LRFN1: variants seen among roughly 807,000 people sequenced by gnomAD.
LRFN1 encodes leucine rich repeat and fibronectin type III domain containing 1.
A neutral mutation model predicts 31.8 loss-of-function variants in LRFN1; 20 were observed. That is an observed-to-expected ratio of 0.63 (90% confidence interval 0.44 to 0.91). The LOEUF is 0.91. LRFN1 is among the 40% of genes least tolerant of loss of function. The pLI is 0.00. For synonymous variants in LRFN1, 514 were observed against 541.3 expected (o/e 0.95, Z 0.70); for missense variants, 912 against 1,129.8 (o/e 0.81, Z 2.76).
chr19:39,308,499 C>G lies in LRFN1; in HGVS notation c.1450G>C (p.Ala484Pro), dbSNP rs1258506992. ...TSQTFLVNDL[A>P]AGRAYDLCVL... ...CACAAGTCGTAGGCACGGCCCGCCGCCAGGTCATTCACCAGGAAGGTCTGA... is the reference window on the plus strand; with the variant it reads ...CACAAGTCGTAGGCACGGCCCGCCGGCAGGTCATTCACCAGGAAGGTCTGA... Residue 484 changes from alanine to proline, a missense_variant, in exon 5 of 5, where the codon GCG (alanine) becomes CCG (proline). Physicochemically the swap from Ala to Pro is conservative, Grantham distance 27. Transcript: ENST00000248668. The surrounding 1 kb of genome is among the most constrained non-coding windows in gnomAD (Gnocchi z 6.2). 8 of 1,600,252 alleles carry G rather than the reference C, an allele frequency of 5.0e-6. No homozygotes were observed. The highest frequency in any genetic ancestry group is 5.9e-6 in the Non-Finnish European group (7 of 1,178,940).
chr19:39,317,060 G>A (rs538097516), intron 2 of LRFN1, among the ~76,000 whole-genome samples: 1 of 152,236 alleles, frequency 6.6e-6, no homozygotes, highest in South Asian at 2.1e-4. Context: ...GGAGGGAGAA[G>A]TGGACTGGCA....
rs767343433 is a variant in LRFN1, at chr19:39,307,905, A to G, written c.2044T>C (p.Ser682Pro). ...SRSGALEPPT[S>P]APPTLALVPG... Reference sequence around the variant, plus strand: ...ACTAGAGCTAGAGTAGGGGGCGCCGAGGTTGGTGGCTCCAGGGCGCCGGAT... The same window carrying G: ...ACTAGAGCTAGAGTAGGGGGCGCCGGGGTTGGTGGCTCCAGGGCGCCGGAT... The change falls in exon 5 of 5, where the codon TCG (serine) becomes CCG (proline). Residue 682 changes from serine (S) to proline (P), a missense_variant. By Grantham distance (74) the Ser-to-Pro change is moderately conservative. Transcript: ENST00000248668. This position sits in a 1 kb window ranked among gnomAD's most constrained non-coding sequence, Gnocchi z 6.7. 6.4e-6 allele frequency: 10 copies of G among 1,565,712 alleles called. No homozygotes were observed. Among genetic ancestry groups the G allele is most frequent in the Non-Finnish European group, 1.7e-6 (2 of 1,163,196 alleles).
Position 39,307,369 on chromosome 19 carries a change from G to C in LRFN1, c.*264C>G, listed in dbSNP as rs1042798940. 2.5e-6 allele frequency: 1 copy of C among 406,410 alleles called. No homozygotes were observed. The highest frequency in any genetic ancestry group is 1.1e-4 in the South Asian group (1 of 9,480). 25.2% of individuals were successfully genotyped at this position (406,410 alleles called of 1,614,324 possible). A position where few individuals can be genotyped will look rare whatever the true frequency, so the allele number is the denominator to read the frequency against. ...GCACCGGCTCCAGCGAGGTCCGCGA[G>C]CGCGCGAGGGGAGGGGTAGGAGGGG... On this transcript the variant is annotated 3_prime_UTR_variant, in exon 5 of 5. Transcript: ENST00000248668. The surrounding 1 kb of genome is among the most constrained non-coding windows in gnomAD (Gnocchi z 6.7).
chr19:39,308,631 C>T lies in LRFN1; in HGVS notation c.1407-89G>A. On this transcript the variant is annotated intron_variant, in intron 4 of 4. Transcript: ENST00000248668. The surrounding 1 kb of genome is among the most constrained non-coding windows in gnomAD (Gnocchi z 6.2). ...CCCCGCCCATGGTGAACAGTGGGGA[C>T]TAAACCCTGCTATCGAAGTCTCAGC... 2.6e-6 allele frequency: 3 copies of T among 1,166,138 alleles called. No homozygotes were observed. The highest frequency in any genetic ancestry group is 3.5e-6 in the Non-Finnish European group (3 of 850,646). 72.2% of individuals were successfully genotyped at this position (1,166,138 alleles called of 1,614,324 possible).
chr19:39,308,017 G>A lies in LRFN1; in HGVS notation c.1932C>T (p.Gly644=). The A allele has an allele frequency of 6.4e-7, 1 of 1,563,992 alleles. No individual in the cohort carries two copies. The highest frequency in any genetic ancestry group is 2.3e-5 in the East Asian group (1 of 43,234). Residue 644 remains glycine, a synonymous_variant, in exon 5 of 5, where the codon GGC becomes GGT. Coordinates refer to ENST00000248668, the MANE Select transcript of LRFN1 (RefSeq NM_020862.2). This position sits in a 1 kb window ranked among gnomAD's most constrained non-coding sequence, Gnocchi z 6.2. ...EPEVVLGRSL[G]GSATSLCLLP... is the part of the protein sequence containing the mutation. ...GCAGGCACAGCGAGGTGGCCGAGCCGCCCAGAGAACGTCCAAGGACCACCT... is the reference window on the plus strand; with the variant it reads ...GCAGGCACAGCGAGGTGGCCGAGCCACCCAGAGAACGTCCAAGGACCACCT...
In LRFN1 at chr19:39,314,854, C is replaced by G. The variant is rs1430833450; in HGVS notation, c.483G>C (p.Leu161=). The G allele has an allele frequency of 6.2e-7, 1 of 1,611,590 alleles. No individual in the cohort carries two copies. Among genetic ancestry groups the G allele is most frequent in the African/African-American group, 1.3e-5 (1 of 74,908 alleles). ...ACAGATCCAGGTCCTCCACGGTGGA[C>G]AGGAAGGCGTCAAAGGCCGCCGACT... ...RVESAAFDAF[L]STVEDLDLSY... is the part of the protein sequence containing the mutation. Residue 161 remains leucine, a synonymous_variant, in exon 4 of 5, where the codon CTG becomes CTC. Transcript: ENST00000248668.
rs1366806165 is a variant in LRFN1 at position 39,307,119 on chromosome 19, CAG to C, written c.*512_*513del. The C allele has an allele frequency of 5.0e-6, 2 of 396,384 alleles. No individual in the cohort carries two copies. Among genetic ancestry groups the C allele is most frequent in the Non-Finnish European group, 8.9e-6 (2 of 225,166 alleles). 24.6% of individuals were successfully genotyped at this position (396,384 alleles called of 1,614,324 possible). ...GCGGGATAGAGACAAACGAGGGAAA[CAG>C]AGAAAGGGGGACCCCAAGCCAGACC... On this transcript the variant is annotated 3_prime_UTR_variant, in exon 5 of 5. Transcript: ENST00000248668. This position sits in a 1 kb window ranked among gnomAD's most constrained non-coding sequence, Gnocchi z 6.7.
intron 1 of LRFN1, among the ~76,000 whole-genome samples, chr19:39,319,501 C>A (rs2075181455): frequency 6.6e-6 from 1 of 152,132 alleles, no homozygotes; most frequent in Non-Finnish European, 1.5e-5. Flanking sequence ...CTGGAACACG[C>A]ACACAGGCAC....
intron 2 of LRFN1, among the ~76,000 whole-genome samples, chr19:39,316,866 C>T (rs1388833152): frequency 6.6e-6 from 1 of 152,166 alleles, no homozygotes; most frequent in Non-Finnish European, 1.5e-5. Flanking sequence ...AAGGGGGCGT[C>T]CCTAAAACTG....
intron 4 of LRFN1, among the ~76,000 whole-genome samples, chr19:39,312,813 GA>G: frequency 6.9e-6 from 1 of 144,546 alleles, no homozygotes; most frequent in East Asian, 2.0e-4. Context: ...AAAAAAAAAA[GA>G]AAAAGAAAAA....
chr19:39,308,678 A>T lies in LRFN1; in HGVS notation c.1407-136T>A, dbSNP rs1172938750. 2.6e-6 allele frequency: 2 copies of T among 781,008 alleles called. No homozygotes were observed. Among genetic ancestry groups the T allele is most frequent in the Non-Finnish European group, 2.0e-6 (1 of 501,966 alleles). 48.4% of individuals were successfully genotyped at this position (781,008 alleles called of 1,614,324 possible). A position where few individuals can be genotyped will look rare whatever the true frequency, so the allele number is the denominator to read the frequency against. ...CAGCCGCTACTGAGACAACAGCAGC[A>T]ATTCAAGCCCCGCCTCCATCAACAT... On this transcript the variant is annotated intron_variant, in intron 4 of 4. Transcript: ENST00000248668. The surrounding 1 kb of genome is among the most constrained non-coding windows in gnomAD (Gnocchi z 6.2).
In LRFN1 at chr19:39,307,393, G is replaced by A. The variant is rs1264909589; in HGVS notation, c.*240C>T. 3 of 414,912 alleles carry A rather than the reference G, an allele frequency of 7.2e-6. No individual in the cohort carries two copies. Among genetic ancestry groups the A allele is most frequent in the Non-Finnish European group, 1.3e-5 (3 of 238,114 alleles). The allele number at this position is 414,912 out of a possible 1,614,324, so 25.7% of individuals were successfully genotyped here. A position where few individuals can be genotyped will look rare whatever the true frequency, so the allele number is the denominator to read the frequency against. ...AGCGCGCGAGGGGAGGGGTAGGAGGGGGGTCGAGGAGTCCATAGGGGAAGG... is the reference window on the plus strand; with the variant it reads ...AGCGCGCGAGGGGAGGGGTAGGAGGAGGGTCGAGGAGTCCATAGGGGAAGG... On this transcript the variant is annotated 3_prime_UTR_variant, in exon 5 of 5. Transcript: ENST00000248668. The surrounding 1 kb of genome is among the most constrained non-coding windows in gnomAD (Gnocchi z 6.7).
Position 39,315,169 on chromosome 19 carries a change from C to A in LRFN1, c.168G>T (p.Leu56Phe). 1 of 1,589,790 alleles carries A rather than the reference C, an allele frequency of 6.3e-7. No individual in the cohort carries two copies. ...TLTMLCAKTG[L>F]LFVPPAIDRR... ...GGTCGATGGCGGGCGGCACAAAGAGCAAGCCGGTCTTGGCGCACAGCATTG... is the reference window on the plus strand; with the variant it reads ...GGTCGATGGCGGGCGGCACAAAGAGAAAGCCGGTCTTGGCGCACAGCATTG... Residue 56 changes from leucine to phenylalanine, a missense_variant, in exon 4 of 5, where the codon TTG becomes TTT. Coordinates refer to ENST00000248668, the MANE Select transcript of LRFN1 (RefSeq NM_020862.2). The surrounding 1 kb of genome is among the most constrained non-coding windows in gnomAD (Gnocchi z 4.7).
chr19:39,317,411 C>T (rs929676506), intron 2 of LRFN1, among the ~76,000 whole-genome samples: 4 of 152,134 alleles, frequency 2.6e-5, no homozygotes, highest in Non-Finnish European at 5.9e-5. Context: ...GAAAGGGGGA[C>T]TCCAGAATTA....
Position 39,314,527 on chromosome 19 carries a change from G to A in LRFN1, c.810C>T (p.Asp270=), listed in dbSNP as rs374857273. The A allele has an allele frequency of 3.9e-5, 63 of 1,609,544 alleles. No individual in the cohort carries two copies. The highest frequency in any genetic ancestry group is 5.1e-5 in the Non-Finnish European group (60 of 1,178,790). ...LLWLRRLTRE[D]DLETCATPEH... ...CGGGCGTGGCGCAGGTCTCTAAGTC[G>A]TCCTCGCGGGTCAGCCGCCGCAGCC... is the stretch of plus-strand genomic sequence containing the variant. Residue 270 remains aspartate, a synonymous_variant, in exon 4 of 5, where the codon GAC becomes GAT. Transcript: ENST00000248668.
intron 4 of LRFN1, among the ~76,000 whole-genome samples, chr19:39,312,257 A>G (rs2075153267): frequency 6.6e-6 from 1 of 151,806 alleles, no homozygotes. Flanking sequence ...AAAGGCAGAG[A>G]TGGAGGCCAA....
intron 4 of LRFN1, among the ~76,000 whole-genome samples, chr19:39,311,098 C>G (rs1245927771): frequency 1.3e-5 from 2 of 152,342 alleles, no homozygotes; most frequent in East Asian, 3.9e-4. Flanking sequence ...GGGCTTCCCC[C>G]ACCCCTTTTC....
Position 39,308,072 on chromosome 19 carries a change from A to C in LRFN1, c.1877T>G (p.Met626Arg). The change falls in exon 5 of 5, where the codon ATG becomes AGG. Residue 626 changes from methionine (M) to arginine (R), a missense_variant. Met to Arg is a moderately conservative substitution (Grantham distance 91). This residue lies in a region of LRFN1 where 511 missense variants were observed against 557.0 expected (regional missense o/e 0.92). Coordinates refer to ENST00000248668, the MANE Select transcript of LRFN1 (RefSeq NM_020862.2). This position sits in a 1 kb window ranked among gnomAD's most constrained non-coding sequence, Gnocchi z 6.2. ...CTCCGCGGATGCCGTCTCGGCCTCC[A>C]TGGCCTTGGCCTCGACGGCGACGGC... ...APAVAVEAKA[M>R]EAETASAEPE... 1 of 1,511,900 alleles carries C rather than the reference A, an allele frequency of 6.6e-7. No homozygotes were observed. The highest frequency in any genetic ancestry group is 8.8e-7 in the Non-Finnish European group (1 of 1,135,356). The allele number at this position is 1,511,900 out of a possible 1,614,324, so 93.7% of individuals were successfully genotyped here.
chr19:39,311,804 C>T (rs2075151213), intron 4 of LRFN1, among the ~76,000 whole-genome samples: 4 of 150,804 alleles, frequency 2.7e-5, no homozygotes. Flanking sequence ...CAGTAGGCAT[C>T]TACTCAGTGT....
Sources: gnomAD v4.1 joint callset for allele counts (sites outside exome capture counted in the v4.1 genomes callset) on GRCh38, gnomAD v4.1.1 for gene constraint, gnomAD v4.1.1 regional missense constraint, Gnocchi (gnomAD v3.1) non-coding constraint, MANE v1.5 for transcripts, NCBI Gene and HGNC (gene_info 2026-07-23, HGNC 2026-07-21) for gene names.